Variants in ZNF548 observed in about 807,000 individuals in gnomAD.
The protein encoded by ZNF548 is zinc finger protein 548.
In ZNF548, 10 loss-of-function variants were observed where a neutral mutation model predicts 10.2. The ratio of observed to expected loss-of-function variants is 0.98; its 90% CI spans 0.60 to 1.66. The LOEUF (loss-of-function observed/expected upper bound fraction) is 1.66, where lower values mean the gene tolerates loss of function less well. Ranked by LOEUF, ZNF548 falls within the 40% of genes most tolerant of loss-of-function variation. The pLI, the probability that ZNF548 is intolerant of heterozygous loss-of-function variation, is 0.00. For synonymous variants in ZNF548, 217 were observed against 223.5 expected, an observed-to-expected ratio of 0.97 and a Z score of 0.26; for missense variants, 599 against 657.0, an observed-to-expected ratio of 0.91 and a Z score of 0.97.
In ZNF548 at chr19:57,398,628, G is replaced by C. The variant is rs2088685396; in HGVS notation, c.377G>C (p.Cys126Ser). ...CATCCTGAGCAACACATATATATTT[G>C]TGAGGCAGAGCTTTTTCAGCACCCA... ...GIHPEQHIYI[C>S]EAELFQHPKQ... The change falls in exon 4 of 4, where the codon TGT becomes TCT. Residue 126 changes from cysteine (C) to serine (S), a missense_variant. By Grantham distance (112) the Cys-to-Ser change is moderately radical. Coordinates refer to ENST00000336128, the MANE Select transcript of ZNF548 (RefSeq NM_001172773.2). The C allele has an allele frequency of 1.2e-6, 2 of 1,614,060 alleles. No homozygotes were observed. The highest frequency in any genetic ancestry group is 1.7e-6 in the Non-Finnish European group (2 of 1,179,906).
intron 1 of ZNF548, among the ~76,000 whole-genome samples, chr19:57,393,617 G>A (rs1250510523): frequency 1.4e-5 from 2 of 146,722 alleles, no homozygotes; most frequent in African/African-American, 2.5e-5. Flanking sequence ...CCAAGACCAC[G>A]CCATTGCACT....
At chr19:57,397,321 G>T in intron 3 of ZNF548, 147 bp downstream of exon 3, 1 of 1,279,778 alleles carries the variant, frequency 7.8e-7, no homozygotes, top group Non-Finnish European at 1.0e-6. Context: ...AGGCAGGGCT[G>T]GGCCGTGTGT....
rs1012577678 is a variant in ZNF548 at position 57,402,762 on chromosome 19, G to C, written c.*2873G>C. On this transcript the variant is annotated 3_prime_UTR_variant, in exon 4 of 4. Transcript: ENST00000336128. The stretch of plus-strand genomic sequence containing the variant: ...TTTGGAGATTAGCTTTTTAGGGAGA[G>C]AGCCAGCAGTTGAGCCTCCTGCATC... The C allele has an allele frequency of 1.3e-5, 2 of 152,212 alleles. No homozygotes were observed. The highest frequency in any genetic ancestry group is 6.5e-5 in the Admixed American group (1 of 15,272). The allele number at this position is 152,212 out of a possible 1,614,324, so 9.4% of individuals were successfully genotyped here.
chr19:57,394,254 C>G (rs1371732772), intron 2 of ZNF548, 31 bp downstream of exon 2: 1 of 1,595,520 alleles, frequency 6.3e-7, no homozygotes, highest in East Asian at 2.2e-5. Context: ...TATTCACCCA[C>G]CCTGGTTATC....
intron 1 of ZNF548, among the ~76,000 whole-genome samples, chr19:57,392,240 T>G (rs2088632407): frequency 6.6e-6 from 1 of 152,240 alleles, no homozygotes; most frequent in Non-Finnish European, 1.5e-5. Context: ...TTTTTCAGGT[T>G]GTACATTTAC....
In ZNF548 at chr19:57,390,063, C is replaced by G. The variant is rs746861376; in HGVS notation, c.-37C>G. The G allele has an allele frequency of 3.7e-6, 6 of 1,607,198 alleles. No homozygotes were observed. The highest frequency in any genetic ancestry group is 2.5e-6 in the Non-Finnish European group (3 of 1,178,722). ...TTGTCTTGCCTTTGTCGCTCCCGCC[C>G]CGCTCTTCCCTGGCTGGGCTGGCGG... On this transcript the variant is annotated 5_prime_UTR_variant, in exon 1 of 4. Transcript: ENST00000336128.
rs750869775 is a variant in ZNF548, at chr19:57,394,230, A to G, written c.51+7A>G. 6.2e-6 allele frequency: 10 copies of G among 1,602,906 alleles called. No individual in the cohort carries two copies. In the Admixed American group the frequency reaches 1.0e-4, roughly 16 times the overall value. On this transcript the variant is annotated splice_region_variant and intron_variant, in intron 2 of 3. Transcript: ENST00000336128. ...AGAAATGGACCCTACACAGGTGAGT[A>G]GAGTGTTTCCTACTATTCACCCACC...
At position 57,400,903 on chromosome 19, in the gene ZNF548, A is replaced by T. The variant is rs1400747662; in HGVS notation, c.*1014A>T. 1 of 152,154 alleles carries T rather than the reference A, an allele frequency of 6.6e-6. No individual in the cohort carries two copies. Among genetic ancestry groups the T allele is most frequent in the Non-Finnish European group, 1.5e-5 (1 of 68,040 alleles). 9.4% of individuals were successfully genotyped at this position (152,154 alleles called of 1,614,324 possible). A position where few individuals can be genotyped will look rare whatever the true frequency, so the allele number is the denominator to read the frequency against. ...TGTAGTGCCTTTTGTTTTGGATAGC[A>T]GCTATCTTGTTGGATGTGAGGTGGA... is the stretch of plus-strand genomic sequence containing the variant. On this transcript the variant is annotated 3_prime_UTR_variant, in exon 4 of 4. Transcript: ENST00000336128.
Position 57,398,907 on chromosome 19 carries a change from C to A in ZNF548, c.656C>A (p.Thr219Asn), listed in dbSNP as rs902120385. 1 of 1,613,922 alleles carries A rather than the reference C, an allele frequency of 6.2e-7. No individual in the cohort carries two copies. Among genetic ancestry groups the A allele is most frequent in the Non-Finnish European group, 8.5e-7 (1 of 1,179,932 alleles). The change falls in exon 4 of 4, where the codon ACC becomes AAC. Residue 219 changes from threonine (T) to asparagine (N), a missense_variant. Physicochemically the swap from Thr to Asn is moderately conservative, Grantham distance 65. Coordinates refer to ENST00000336128, the MANE Select transcript of ZNF548 (RefSeq NM_001172773.2). ...YKCSECGKTF[T>N]CSYSFVEHQK... ...TGTAGTGAATGTGGGAAAACCTTCACCTGCAGCTATTCATTTGTTGAGCAC... is the reference window on the plus strand; with the variant it reads ...TGTAGTGAATGTGGGAAAACCTTCAACTGCAGCTATTCATTTGTTGAGCAC...
At position 57,390,082 on chromosome 19, in the gene ZNF548, C is replaced by T. The variant is rs757662416; in HGVS notation, c.-18C>T. 18 of 1,608,836 alleles carry T rather than the reference C, an allele frequency of 1.1e-5. No individual in the cohort carries two copies. The East Asian group carries it at 3.8e-4, about 34-fold the overall frequency. On this transcript the variant is annotated 5_prime_UTR_variant, in exon 1 of 4. Transcript: ENST00000336128. ...CCCGCCCCGCTCTTCCCTGGCTGGG[C>T]TGGCGGAGGCCTTGCTGATGAACCT...
intron 1 of ZNF548, chr19:57,393,978 T>G (rs981201046): frequency 2.7e-5 from 17 of 631,308 alleles, no homozygotes; most frequent in African/African-American, 2.4e-4. Context: ...CAGCTATTCT[T>G]GCAATCTATT....
In ZNF548 at chr19:57,389,978, G is replaced by A. The variant is rs1374004776; in HGVS notation, c.-122G>A. 4.6e-6 allele frequency: 6 copies of A among 1,297,594 alleles called. No homozygotes were observed. In the East Asian group the frequency reaches 7.4e-5, roughly 16 times the overall value. 80.4% of individuals were successfully genotyped at this position (1,297,594 alleles called of 1,614,324 possible). A position where few individuals can be genotyped will look rare whatever the true frequency, so the allele number is the denominator to read the frequency against. On this transcript the variant is annotated 5_prime_UTR_variant, in exon 1 of 4. Transcript: ENST00000336128. Reference sequence around the variant, plus strand: ...ACGGAAAAGCGCGAGAAGCGGCTCGGTTCCCACCACGGAGAGGCGGGAGTG... The same window carrying A: ...ACGGAAAAGCGCGAGAAGCGGCTCGATTCCCACCACGGAGAGGCGGGAGTG...
Position 57,398,480 on chromosome 19 carries a change from T to G in ZNF548, c.229T>G (p.Ser77Ala). 1 of 1,614,198 alleles carries G rather than the reference T, an allele frequency of 6.2e-7. No homozygotes were observed. The highest frequency in any genetic ancestry group is 2.2e-5 in the East Asian group (1 of 44,888). ...DEEAPSQQGF[S>A]VGVSEVTASK... The stretch of plus-strand genomic sequence containing the variant: ...GGAGGCACCTTCACAGCAAGGTTTT[T>G]CTGTAGGAGTGTCAGAGGTTACAGC... Residue 77 changes from serine to alanine, a missense_variant, in exon 4 of 4, where the codon TCT (serine) becomes GCT (alanine). By Grantham distance (99) the Ser-to-Ala change is moderately conservative. Coordinates refer to ENST00000336128, the MANE Select transcript of ZNF548 (RefSeq NM_001172773.2).
chr19:57,399,958 T>A lies in ZNF548; in HGVS notation c.*69T>A. ...ATGCAACTAATCTCCAGAACATTTT[T>A]CCTCTTACCAAGAAGTAAAATGCTG... On this transcript the variant is annotated 3_prime_UTR_variant, in exon 4 of 4. Coordinates refer to ENST00000336128, the MANE Select transcript of ZNF548 (RefSeq NM_001172773.2). The surrounding 1 kb of genome is among the most constrained non-coding windows in gnomAD (Gnocchi z 4.0). 3.1e-6 allele frequency: 4 copies of A among 1,304,498 alleles called. No homozygotes were observed. Among genetic ancestry groups the A allele is most frequent in the Non-Finnish European group, 4.1e-6 (4 of 971,764 alleles). The allele number at this position is 1,304,498 out of a possible 1,614,324, so 80.8% of individuals were successfully genotyped here.
In ZNF548 at chr19:57,399,907, T is replaced by G; in HGVS notation, c.*18T>G. 2.8e-4 allele frequency: 416 copies of G among 1,506,802 alleles called. No individual in the cohort carries two copies. The highest frequency in any genetic ancestry group is 3.4e-4 in the Non-Finnish European group (378 of 1,123,706). The allele number at this position is 1,506,802 out of a possible 1,614,324, so 93.3% of individuals were successfully genotyped here. On this transcript the variant is annotated 3_prime_UTR_variant, in exon 4 of 4. Transcript: ENST00000336128. This position sits in a 1 kb window ranked among gnomAD's most constrained non-coding sequence, Gnocchi z 4.0. ...ACCATTGACTATTGTAATTGGGTAGTAATGTTATATAAATTCCACATTTTT... is the reference window on the plus strand; with the variant it reads ...ACCATTGACTATTGTAATTGGGTAGGAATGTTATATAAATTCCACATTTTT...
rs550376460 is a variant in ZNF548 at position 57,397,022 on chromosome 19, T to C, written c.52-26T>C. The C allele has an allele frequency of 2.1e-5, 33 of 1,592,906 alleles. 1 individual carries two copies. The highest frequency in any genetic ancestry group is 1.9e-4 in the South Asian group (17 of 88,586). On this transcript the variant is annotated intron_variant, in intron 2 of 3. Transcript: ENST00000336128. ...ATACAGCTTGAAAAGAAGCTGCTTA[T>C]GTATTCATCTTTCCCAATTTGGCAG...
rs564448265 is a variant in ZNF548, at chr19:57,394,296, C to G, written c.51+73C>G. The stretch of plus-strand genomic sequence containing the variant: ...ATGGTTTTGGCAGGTGACAAAACCT[C>G]TTTTCCTGTCTTTCTCTTATGTCTG... On this transcript the variant is annotated intron_variant, in intron 2 of 3. Coordinates refer to ENST00000336128, the MANE Select transcript of ZNF548 (RefSeq NM_001172773.2). 20 of 1,441,450 alleles carry G rather than the reference C, an allele frequency of 1.4e-5. No individual in the cohort carries two copies. In the Admixed American group the frequency reaches 1.4e-4, roughly 10 times the overall value. 89.3% of individuals were successfully genotyped at this position (1,441,450 alleles called of 1,614,324 possible). A position where few individuals can be genotyped will look rare whatever the true frequency, so the allele number is the denominator to read the frequency against.
Position 57,398,719 on chromosome 19 carries a change from C to G in ZNF548, c.468C>G (p.His156Gln). ...DDWIPSFGKNHRVHMAEEIFT... is the reference protein window; with the variant it reads ...DDWIPSFGKNQRVHMAEEIFT... The stretch of plus-strand genomic sequence containing the variant: ...GGATACCTTCATTTGGGAAGAACCA[C>G]AGAGTTCACATGGCAGAGGAGATCT... Residue 156 changes from histidine (H) to glutamine (Q), a missense_variant, in exon 4 of 4, where the codon CAC becomes CAG. Coordinates refer to ENST00000336128, the MANE Select transcript of ZNF548 (RefSeq NM_001172773.2). 6.2e-7 allele frequency: 1 copy of G among 1,613,894 alleles called. No individual in the cohort carries two copies. Among genetic ancestry groups the G allele is most frequent in the Non-Finnish European group, 8.5e-7 (1 of 1,179,892 alleles).
intron 3 of ZNF548, among the ~76,000 whole-genome samples, chr19:57,397,827 C>T (rs1247659705): frequency 6.6e-6 from 1 of 152,194 alleles, no homozygotes; most frequent in Non-Finnish European, 1.5e-5. Context: ...TCAAATCACC[C>T]TGGGAACCTG....
Sources: gnomAD v4.1 joint callset for allele counts (sites outside exome capture counted in the v4.1 genomes callset) on GRCh38, gnomAD v4.1.1 for gene constraint, Gnocchi (gnomAD v3.1) non-coding constraint, MANE v1.5 for transcripts, NCBI Gene and HGNC (gene_info 2026-07-23, HGNC 2026-07-21) for gene names.